The following CMTM4 variants were observed in gnomAD, a reference collection of about 807,000 sequenced individuals.
CMTM4 encodes CKLF like MARVEL transmembrane domain containing 4, also known as CKLF-like MARVEL transmembrane domain-containing protein 4.
CMTM4 carries 8 observed loss-of-function variants against 19.0 expected under a neutral mutation model. That is an observed-to-expected ratio of 0.42 (90% CI 0.25 to 0.76). The LOEUF is 0.76. Ranked by LOEUF, CMTM4 falls within the 30% of genes least tolerant of loss-of-function variation. The probability of loss-of-function intolerance (pLI) is 0.27; values close to 1 mark genes in which losing one functional copy is unlikely to be tolerated. For missense variants in CMTM4, 228 were observed against 290.2 expected, an observed-to-expected ratio of 0.79 and a Z score of 1.56; for synonymous variants, 106 against 121.1, an observed-to-expected ratio of 0.88 and a Z score of 0.82.
rs142010831 is a variant in CMTM4, at chr16:66,617,164, G to A, written c.*4894C>T. On this transcript the variant is annotated 3_prime_UTR_variant, in exon 4 of 4. Coordinates refer to ENST00000394106, the MANE Select transcript of CMTM4 (RefSeq NM_181521.3). ...CCAAAGAAAACACGCCACCCCAGGT[G>A]TCTAGATAGCAAGTCACCTGAATTA... The A allele has an allele frequency of 3.2e-4, 343 of 1,067,998 alleles. 2 individuals carry two copies. The African/African-American group carries it at 5.0e-3, about 16-fold the overall frequency. 66.2% of individuals were successfully genotyped at this position (1,067,998 alleles called of 1,614,324 possible). A position where few individuals can be genotyped will look rare whatever the true frequency, so the allele number is the denominator to read the frequency against.
rs527841634 is a variant in CMTM4 at position 66,652,836 on chromosome 16, C to T, written c.187-16255G>A. Among the ~76,000 whole-genome samples the T allele has an allele frequency of 7.2e-5, 11 of 152,314 alleles. No individual in the cohort carries two copies. The South Asian group carries it at 1.4e-3, about 20-fold the overall frequency. ...CACATGATTTCAGAAAACCACAGGA[C>T]GGTCAGCATCTTTCTTGCCAAGAGA... On this transcript the variant is annotated intron_variant, in intron 1 of 3. Transcript: ENST00000394106.
chr16:66,608,519 G>GGAGTC, the CMTM4 span: 1 of 1,581,310 alleles, frequency 6.3e-7, no homozygotes, highest in Non-Finnish European at 8.6e-7. The surrounding 1 kb of genome is among the most constrained non-coding windows in gnomAD (Gnocchi z 5.1). Flanking sequence ...GGCCAGATGA[G>GGAGTC]GAGTCCAGAG....
intron 2 of CMTM4, among the ~76,000 whole-genome samples, chr16:66,632,603 G>C (rs1477433176): frequency 1.3e-5 from 2 of 152,136 alleles, no homozygotes; most frequent in African/African-American, 4.8e-5. Context: ...GGCTGAGCTG[G>C]CCCTGGGCTC....
At chr16:66,632,045 G>A (rs1383690281) in intron 2 of CMTM4, among the ~76,000 whole-genome samples, 2 of 152,254 alleles carry the variant, frequency 1.3e-5, no homozygotes, top group Non-Finnish European at 2.9e-5. Flanking sequence ...ACCCACCACA[G>A]CACCCAGCCT....
intron 1 of CMTM4, among the ~76,000 whole-genome samples, chr16:66,646,061 G>A (rs1215113186): frequency 6.6e-6 from 1 of 152,144 alleles, no homozygotes. Flanking sequence ...GAAACACAAG[G>A]CAGAGAGATG....
chr16:66,696,431 T>C lies in CMTM4; in HGVS notation c.95A>G (p.Glu32Gly). The C allele has an allele frequency of 1.4e-6, 2 of 1,393,212 alleles. No homozygotes were observed. Among genetic ancestry groups the C allele is most frequent in the Non-Finnish European group, 1.9e-6 (2 of 1,075,314 alleles). 86.3% of individuals were successfully genotyped at this position (1,393,212 alleles called of 1,614,324 possible). The change falls in exon 1 of 4, where the codon GAG becomes GGG. Residue 32 changes from glutamate to glycine, a missense_variant. By Grantham distance (98) the Glu-to-Gly change is moderately conservative. Transcript: ENST00000394106. The surrounding 1 kb of genome is among the most constrained non-coding windows in gnomAD (Gnocchi z 4.3). ...CAGCCCGCGGCGCTGGCTCACCGGC[T>C]CGGTGGTGGGCTGGTACGGGCTGCT... The part of the protein sequence containing the change: ...GASSPYQPTT[E>G]PVSQRRGLAG...
At chr16:66,610,143 C>A, downstream of CMTM4, 1 of 1,063,152 alleles carries the variant, frequency 9.4e-7, no homozygotes, top group Non-Finnish European at 1.4e-6. The surrounding 1 kb of genome is among the most constrained non-coding windows in gnomAD (Gnocchi z 4.6). Flanking sequence ...CCATTCTCAC[C>A]TACCCTCATG....
intron 3 of CMTM4, among the ~76,000 whole-genome samples, chr16:66,623,068 T>G (rs1255845865): frequency 6.6e-6 from 1 of 152,194 alleles, no homozygotes; most frequent in Non-Finnish European, 1.5e-5. Flanking sequence ...GATAAGGCTC[T>G]TAGACATCAA....
At chr16:66,678,456 G>T (rs543711929) in intron 1 of CMTM4, among the ~76,000 whole-genome samples, 2 of 152,128 alleles carry the variant, frequency 1.3e-5, no homozygotes, top group Non-Finnish European at 2.9e-5. Flanking sequence ...AAAATACCAA[G>T]TATCTTTGAT....
At chr16:66,599,813 G>A in the CMTM4 span, among the ~76,000 whole-genome samples, 1 of 152,054 alleles carries the variant, frequency 6.6e-6, no homozygotes, top group South Asian at 2.1e-4. Context: ...ATTAGGAAAC[G>A]AAAAGAAGCC....
chr16:66,675,769 A>G (rs1167926984), intron 1 of CMTM4, among the ~76,000 whole-genome samples: 1 of 152,216 alleles, frequency 6.6e-6, no homozygotes, highest in Non-Finnish European at 1.5e-5. Flanking sequence ...CACACACTGC[A>G]GGACCGAACA....
rs568090708 is a variant in CMTM4 at position 66,622,381 on chromosome 16, C to T, written c.463-159G>A. 6.6e-6 allele frequency among the ~76,000 whole-genome samples: 1 copy of T among 152,282 alleles called. No individual in the cohort carries two copies. Among genetic ancestry groups the T allele is most frequent in the African/African-American group, 2.4e-5 (1 of 41,560 alleles). On this transcript the variant is annotated intron_variant, in intron 3 of 3. Coordinates refer to ENST00000394106, the MANE Select transcript of CMTM4 (RefSeq NM_181521.3). This position sits in a 1 kb window ranked among gnomAD's most constrained non-coding sequence, Gnocchi z 4.0. ...GATCTCTTCCCCCTCTCAGCAGCCC[C>T]ATTTGATCTAAAGTCTTGTTTCAAA...
intron 2 of CMTM4, 61 bp from the exon 3 acceptor site, chr16:66,623,563 A>T: frequency 8.1e-7 from 1 of 1,238,444 alleles, no homozygotes; most frequent in African/African-American, 1.5e-5. Context: ...CTCTAAAAGC[A>T]ACTGGAGAAC....
chr16:66,619,888 C>A lies in CMTM4; in HGVS notation c.*2170G>T. On this transcript the variant is annotated 3_prime_UTR_variant, in exon 4 of 4. Transcript: ENST00000394106. ...TGCAAATTAACTCCTAAGTCACTCTCTGGCGTGTCATCCTTTTTGGTCATT... is the reference window on the plus strand; with the variant it reads ...TGCAAATTAACTCCTAAGTCACTCTATGGCGTGTCATCCTTTTTGGTCATT... 1 of 985,456 alleles carries A rather than the reference C, an allele frequency of 1.0e-6. No individual in the cohort carries two copies. The highest frequency in any genetic ancestry group is 1.2e-6 in the Non-Finnish European group (1 of 829,932). 61.0% of individuals were successfully genotyped at this position (985,456 alleles called of 1,614,324 possible). A position where few individuals can be genotyped will look rare whatever the true frequency, so the allele number is the denominator to read the frequency against.
At chr16:66,682,073 T>C (rs540306438) in intron 1 of CMTM4, among the ~76,000 whole-genome samples, 1 of 152,230 alleles carries the variant, frequency 6.6e-6, no homozygotes, top group Non-Finnish European at 1.5e-5. Context: ...TCTGCCCCAC[T>C]CCAAACCCTT....
chr16:66,681,809 C>T (rs2016920850), intron 1 of CMTM4, among the ~76,000 whole-genome samples: 1 of 152,184 alleles, frequency 6.6e-6, no homozygotes, highest in South Asian at 2.1e-4. Flanking sequence ...ATCACTTGCC[C>T]TTCCCTTCCA....
intron 1 of CMTM4, among the ~76,000 whole-genome samples, chr16:66,686,940 T>C (rs1398105803): frequency 3.3e-5 from 5 of 152,150 alleles, no homozygotes; most frequent in African/African-American, 9.7e-5. Flanking sequence ...GGGGATCATA[T>C]GTAGCCTTTG....
At chr16:66,613,222 C>G, downstream of CMTM4, 1 of 685,088 alleles carries the variant, frequency 1.5e-6, no homozygotes, top group Admixed American at 2.0e-5. Context: ...AAGTGGGGCT[C>G]GGCACCCATA....
intron 1 of CMTM4, among the ~76,000 whole-genome samples, chr16:66,668,083 G>A (rs186580734): frequency 2.6e-4 from 39 of 152,054 alleles, no homozygotes; most frequent in Non-Finnish European, 5.1e-4. Flanking sequence ...GCTCACTGAA[G>A]CCTCCAACTG....
Sources: allele counts gnomAD v4.1 joint callset (sites outside exome capture counted in the v4.1 genomes callset), GRCh38; gene constraint gnomAD v4.1.1; non-coding constraint Gnocchi (gnomAD v3.1); transcripts MANE v1.5; gene names NCBI Gene and HGNC (gene_info 2026-07-23, HGNC 2026-07-21).